SDK1: variants seen among roughly 807,000 people sequenced by gnomAD.
SDK1 encodes the protein protein sidekick-1.
Under a neutral mutation model 245.5 loss-of-function variants are expected in SDK1, and 157 were observed. The ratio of observed to expected loss-of-function variants is 0.64; its 90% CI spans 0.56 to 0.73. SDK1 has a LOEUF of 0.73. Ranked by LOEUF, SDK1 falls within the 30% of genes least tolerant of loss-of-function variation. The pLI is 0.00. For missense variants in SDK1, 3,583 were observed against 3,002.3 expected (o/e 1.19, Z -4.52); for synonymous variants, 1,647 against 1,278.5 (o/e 1.29, Z -6.15).
intron 5 of SDK1, among the ~76,000 whole-genome samples, chr7:3,845,030 T>C (rs1780242074): frequency 6.6e-6 from 1 of 152,172 alleles, no homozygotes. Context: ...TACGCTTAAC[T>C]ACCTGGAGCA....
Position 3,660,653 on chromosome 7 carries a change from A to G in SDK1, c.713+18548A>G, listed in dbSNP as rs566214894. 5.9e-5 allele frequency among the ~76,000 whole-genome samples: 9 copies of G among 152,344 alleles called. No individual in the cohort carries two copies. In the East Asian group the frequency reaches 1.5e-3, roughly 26 times the overall value. ...CCTTCTGGAAAAAAATGTGTTGTGG[A>G]CAGATGAGAAAGTTTAGGATCAAAC... On this transcript the variant is annotated intron_variant, in intron 4 of 44. Transcript: ENST00000404826.
chr7:4,078,070 G>T (rs575339902), intron 21 of SDK1, among the ~76,000 whole-genome samples: 1 of 152,182 alleles, frequency 6.6e-6, no homozygotes, highest in Middle Eastern at 3.2e-3. Context: ...ACACTCTGAC[G>T]CACACTACGT....
intron 42 of SDK1, among the ~76,000 whole-genome samples, chr7:4,238,296 T>C (rs1583151201): frequency 6.6e-6 from 1 of 151,886 alleles, no homozygotes; most frequent in Non-Finnish European, 1.5e-5. Flanking sequence ...GCCAGGCTGG[T>C]CTCGAAATCC....
At chr7:3,780,956 C>G (rs1229016755) in intron 4 of SDK1, among the ~76,000 whole-genome samples, 1 of 152,022 alleles carries the variant, frequency 6.6e-6, no homozygotes, top group African/African-American at 2.4e-5. Context: ...AAAAGCCCAC[C>G]CAGTGACCCG....
In SDK1 at chr7:4,268,094, G is replaced by A. The variant is rs1690855987; in HGVS notation, c.*2710G>A. The A allele has an allele frequency of 3.0e-6, 3 of 985,540 alleles. No homozygotes were observed. Among genetic ancestry groups the A allele is most frequent in the East Asian group, 2.3e-4 (2 of 8,814 alleles). The allele number at this position is 985,540 out of a possible 1,614,324, so 61.0% of individuals were successfully genotyped here. The stretch of plus-strand genomic sequence containing the variant: ...AAAATGTCTCTAAGCCAGGCTAGAT[G>A]GAATGTGCTCCCGCTCTCTCCTGCC... On this transcript the variant is annotated 3_prime_UTR_variant, in exon 45 of 45. Coordinates refer to ENST00000404826, the MANE Select transcript of SDK1 (RefSeq NM_152744.4).
intron 32 of SDK1, among the ~76,000 whole-genome samples, chr7:4,172,984 CAGGGCTTAGACTTG>C (rs2128217062): frequency 6.6e-6 from 1 of 152,330 alleles, no homozygotes; most frequent in Admixed American, 6.5e-5. Context: ...TCACAGGCAA[CAGGGCTTAGACTTG>C]AGCGTGTCTT....
intron 1 of SDK1, among the ~76,000 whole-genome samples, chr7:3,566,543 A>C (rs957878550): frequency 5.3e-5 from 8 of 152,146 alleles, no homozygotes; most frequent in African/African-American, 1.9e-4. Flanking sequence ...TCTTAAAAAC[A>C]TAAAGCAGTA....
intron 35 of SDK1, among the ~76,000 whole-genome samples, chr7:4,182,894 C>A (rs1295428618): frequency 2.0e-5 from 3 of 152,242 alleles, no homozygotes; most frequent in Non-Finnish European, 4.4e-5. Flanking sequence ...CTCCTGCCTG[C>A]AGCACAGACA....
chr7:4,189,621 G>A (rs761597780), intron 35 of SDK1, among the ~76,000 whole-genome samples: 115 of 152,170 alleles, frequency 7.6e-4, no homozygotes, highest in Non-Finnish European at 8.1e-4. Flanking sequence ...AGGCCAAGGC[G>A]GGTGGATTAC....
chr7:3,425,862 G>T (rs1011827191), intron 1 of SDK1, among the ~76,000 whole-genome samples: 2 of 152,134 alleles, frequency 1.3e-5, no homozygotes, highest in Admixed American at 1.3e-4. Context: ...AGCAAGATGT[G>T]TCTTTCTAAA....
intron 1 of SDK1, among the ~76,000 whole-genome samples, chr7:3,445,303 A>G (rs1780311230): frequency 6.6e-6 from 1 of 152,180 alleles, no homozygotes; most frequent in East Asian, 1.9e-4. Context: ...CAAGACAAAA[A>G]TGGGCTCAAT....
At chr7:4,144,844 C>G (rs1456033130) in intron 28 of SDK1, among the ~76,000 whole-genome samples, 1 of 152,178 alleles carries the variant, frequency 6.6e-6, no homozygotes, top group African/African-American at 2.4e-5. Context: ...TTGTTTAACT[C>G]CAGCAGTTGA....
At chr7:3,553,285 C>T (rs541579518) in intron 1 of SDK1, among the ~76,000 whole-genome samples, 1 of 152,062 alleles carries the variant, frequency 6.6e-6, no homozygotes, top group Non-Finnish European at 1.5e-5. Flanking sequence ...GAATCTGAAA[C>T]TTAAGATTTT....
At chr7:3,833,108 T>G (rs1779949539) in intron 5 of SDK1, among the ~76,000 whole-genome samples, 1 of 151,942 alleles carries the variant, frequency 6.6e-6, no homozygotes, top group African/African-American at 2.4e-5. Context: ...GGTTTTGTGG[T>G]TTTTCTAGGG....
chr7:3,688,513 C>T (rs544695630), intron 4 of SDK1, among the ~76,000 whole-genome samples: 1 of 152,184 alleles, frequency 6.6e-6, no homozygotes, highest in Non-Finnish European at 1.5e-5. Context: ...CTACAAATGC[C>T]AGCTTTGCTG....
chr7:3,603,227 T>C (rs1235439880), intron 1 of SDK1, among the ~76,000 whole-genome samples: 1 of 141,124 alleles, frequency 7.1e-6, no homozygotes, highest in Non-Finnish European at 1.5e-5. Flanking sequence ...AGAAAGTCAT[T>C]GGTAGCTTGA....
intron 5 of SDK1, among the ~76,000 whole-genome samples, chr7:3,936,321 C>G (rs554325738): frequency 6.6e-6 from 1 of 152,222 alleles, no homozygotes; most frequent in Non-Finnish European, 1.5e-5. Context: ...GTGGCTCACG[C>G]CTGTAATCCC....
At chr7:3,801,094 C>G (rs879932969) in intron 4 of SDK1, among the ~76,000 whole-genome samples, 1 of 152,214 alleles carries the variant, frequency 6.6e-6, no homozygotes, top group Non-Finnish European at 1.5e-5. Flanking sequence ...ACTAGCCAGA[C>G]TAACCTGATG....
chr7:4,132,379 G>A lies in SDK1; in HGVS notation c.4184G>A (p.Arg1395Gln), dbSNP rs141481774. 88 of 1,613,050 alleles carry A rather than the reference G, an allele frequency of 5.5e-5. No individual in the cohort carries two copies. In the East Asian group the frequency reaches 6.5e-4, roughly 12 times the overall value. Reference sequence around the variant, plus strand: ...CCCGAAGTGAGACTCACCTCCGTGCGGATAGTGTGGCAACCTCCGGAGGAG... The same window carrying A: ...CCCGAAGTGAGACTCACCTCCGTGCAGATAGTGTGGCAACCTCCGGAGGAG... Reference protein sequence around the residue: ...VFPEVRLTSVRIVWQPPEEPN... With the variant: ...VFPEVRLTSVQIVWQPPEEPN... The change falls in exon 28 of 45, where the codon CGG (arginine) becomes CAG (glutamine). Residue 1395 changes from arginine to glutamine, a missense_variant. Arg to Gln is a conservative substitution (Grantham distance 43). Coordinates refer to ENST00000404826, the MANE Select transcript of SDK1 (RefSeq NM_152744.4).
Sources: gnomAD v4.1 joint callset for allele counts (sites outside exome capture counted in the v4.1 genomes callset) on GRCh38, gnomAD v4.1.1 for gene constraint, MANE v1.5 for transcripts, NCBI Gene and HGNC (gene_info 2026-07-23, HGNC 2026-07-21) for gene names.